ACSF3: variants seen among roughly 807,000 people sequenced by gnomAD.
The protein encoded by ACSF3 is acyl-CoA synthetase family member 3, also known as malonate--CoA ligase ACSF3, mitochondrial.
In ACSF3, 78 loss-of-function variants were observed where a neutral mutation model predicts 53.2. The observed-to-expected ratio is 1.47, with a 90% CI of 1.22 to 1.77. The LOEUF (loss-of-function observed/expected upper bound fraction) is 1.77, where lower values mean the gene tolerates loss of function less well. ACSF3 is among the 40% of genes most tolerant of loss of function. The probability of loss-of-function intolerance (pLI) is 0.00; values close to 1 mark genes in which losing one functional copy is unlikely to be tolerated. For missense variants in ACSF3, 937 were observed against 771.1 expected (o/e 1.22, Z -2.55); for synonymous variants, 414 against 333.1 (o/e 1.24, Z -2.65).
In ACSF3 at chr16:89,154,274, G is replaced by A. The variant is rs1280742677; in HGVS notation, c.*67G>A. ...CGTCCCCTTCACACCGAGAACCACG[G>A]GGGCCCGTCCAAGACCTGGCCTCCC... On this transcript the variant is annotated 3_prime_UTR_variant, in exon 11 of 11. Transcript: ENST00000614302. 6.7e-7 allele frequency: 1 copy of A among 1,490,630 alleles called. No individual in the cohort carries two copies. Among genetic ancestry groups the A allele is most frequent in the Admixed American group, 1.7e-5 (1 of 58,846 alleles). 92.3% of individuals were successfully genotyped at this position (1,490,630 alleles called of 1,614,324 possible).
intron 2 of ACSF3, among the ~76,000 whole-genome samples, chr16:89,100,260 G>T (rs1394089561): frequency 1.3e-5 from 2 of 152,270 alleles, no homozygotes; most frequent in Non-Finnish European, 2.9e-5. Context: ...CCTGTTGTGA[G>T]CGGGGGCTGT....
chr16:89,139,058 G>C (rs557028054), intron 8 of ACSF3, among the ~76,000 whole-genome samples: 2 of 152,180 alleles, frequency 1.3e-5, no homozygotes, highest in African/African-American at 4.8e-5. Context: ...CTTGAGTCCC[G>C]CAGAGGAGGC....
chr16:89,146,347 A>G (rs916440336), intron 10 of ACSF3, among the ~76,000 whole-genome samples: 32 of 152,024 alleles, frequency 2.1e-4, no homozygotes, highest in African/African-American at 7.7e-4. Flanking sequence ...CCCAGGAGAG[A>G]TCCCGGATGA....
chr16:89,122,412 G>A, intron 7 of ACSF3: 1 of 452,346 alleles, frequency 2.2e-6, no homozygotes, highest in Non-Finnish European at 4.5e-6. Flanking sequence ...TGCCTCTCCT[G>A]GGATTCCTGC....
chr16:89,125,834 C>T (rs1375216602), intron 7 of ACSF3, among the ~76,000 whole-genome samples: 1 of 152,224 alleles, frequency 6.6e-6, no homozygotes, highest in Admixed American at 6.5e-5. Context: ...TTACTTAGAT[C>T]CGTGAACACG....
At chr16:89,112,632 C>A (rs72817455) in intron 5 of ACSF3, among the ~76,000 whole-genome samples, 5,922 of 152,206 alleles carry the variant, frequency 0.039, 157 homozygotes, top group East Asian at 0.14. Flanking sequence ...CGCTCTTCAT[C>A]TGTCTCTCCG....
chr16:89,114,359 C>T lies in ACSF3; in HGVS notation c.998C>T (p.Ala333Val), dbSNP rs1240748621. ...CGTAGGCTGATGGTCTCAGGCTCAGCTGCCCTGCCCCTCCCAGTGCTGGAG... is the reference window on the plus strand; with the variant it reads ...CGTAGGCTGATGGTCTCAGGCTCAGTTGCCCTGCCCCTCCCAGTGCTGGAG... ...EKIRLMVSGS[A>V]ALPLPVLEKW... Residue 333 changes from alanine (A) to valine (V), a missense_variant, in exon 6 of 11, where the codon GCT (alanine) becomes GTT (valine). Physicochemically the swap from Ala to Val is moderately conservative, Grantham distance 64. Coordinates refer to ENST00000614302, the MANE Select transcript of ACSF3 (RefSeq NM_001243279.3). 3 of 1,613,948 alleles carry T rather than the reference C, an allele frequency of 1.9e-6. No homozygotes were observed. The highest frequency in any genetic ancestry group is 2.5e-6 in the Non-Finnish European group (3 of 1,180,042).
rs72817501 is a variant in ACSF3, at chr16:89,145,611, A to G, written c.1501+210A>G. On this transcript the variant is annotated intron_variant, in intron 9 of 10. Transcript: ENST00000614302. ...TGTTGGAGCCACTGACCCCGTGCCC[A>G]CCAGAGCTCCCAGGCCTGGCCGGGC... is the stretch of plus-strand genomic sequence containing the variant. 0.045 allele frequency among the ~76,000 whole-genome samples: 6,867 copies of G among 152,262 alleles called. 266 individuals are homozygous for G. Among genetic ancestry groups the G allele is most frequent in the East Asian group, 0.16 (823 of 5,178 alleles).
chr16:89,118,232 T>C (rs1462968705), intron 6 of ACSF3, among the ~76,000 whole-genome samples: 1 of 151,500 alleles, frequency 6.6e-6, no homozygotes, highest in Non-Finnish European at 1.5e-5. Flanking sequence ...GCAGTTTCCC[T>C]GGGGCGCCGG....
At chr16:89,136,923 A>G in intron 8 of ACSF3, 1 of 1,198,900 alleles carries the variant, frequency 8.3e-7, no homozygotes, top group Non-Finnish European at 1.1e-6. Context: ...TTCAGACGTC[A>G]AAGGTCTGTC....
chr16:89,128,887 G>T lies in ACSF3; in HGVS notation c.1240-4249G>T, dbSNP rs1908704004. Among the ~76,000 whole-genome samples, 3 of 152,150 alleles carry T rather than the reference G, an allele frequency of 2.0e-5. No homozygotes were observed. The South Asian group carries it at 6.2e-4, about 32-fold the overall frequency. On this transcript the variant is annotated intron_variant, in intron 7 of 10. Transcript: ENST00000614302. ...CTCACACCTGTAATCCCAACACTTT[G>T]GGAGGCCAAGGCAGGAGAATCACTG...
In ACSF3 at chr16:89,102,608, C is replaced by G. The variant is rs775624630; in HGVS notation, c.671C>G (p.Thr224Ser). 1 of 1,613,740 alleles carries G rather than the reference C, an allele frequency of 6.2e-7. No individual in the cohort carries two copies. Among genetic ancestry groups the G allele is most frequent in the South Asian group, 1.1e-5 (1 of 91,086 alleles). ...STHQNIRAVV[T>S]GLVHKWAWTK... ...CTGTGCTCTCGTCCCCTGCAGGTGA[C>G]CGGGCTGGTCCACAAGTGGGCATGG... Residue 224 changes from threonine (T) to serine (S), a missense_variant, in exon 4 of 11, where the codon ACC becomes AGC. Transcript: ENST00000614302.
intron 4 of ACSF3, among the ~76,000 whole-genome samples, chr16:89,105,136 A>G (rs7190776): frequency 0.71 from 106,921 of 151,236 alleles, 38,383 homozygotes; most frequent in Admixed American, 0.78. Flanking sequence ...CCGTCTCCCT[A>G]ACACATTCCA....
Position 89,120,426 on chromosome 16 carries a change from G to A in ACSF3, c.1127-375G>A, listed in dbSNP as rs529363138. The stretch of plus-strand genomic sequence containing the variant: ...CGCCAGCCCTCCCTGGCCAGCAAGT[G>A]TGTAAAAGTGGGAATGACACCAGAA... On this transcript the variant is annotated intron_variant, in intron 6 of 10. Coordinates refer to ENST00000614302, the MANE Select transcript of ACSF3 (RefSeq NM_001243279.3). 1.1e-3 allele frequency among the ~76,000 whole-genome samples: 170 copies of A among 152,374 alleles called. 2 individuals carry two copies. Among genetic ancestry groups the A allele is most frequent in the African/African-American group, 3.8e-3 (156 of 41,590 alleles).
chr16:89,101,405 T>G, intron 3 of ACSF3, 58 bp downstream of exon 3: 1 of 1,548,492 alleles, frequency 6.5e-7, no homozygotes, highest in Non-Finnish European at 8.7e-7. Context: ...CCGGGTGGGC[T>G]CCGGGCCAGA....
chr16:89,136,945 C>T (rs992246334), intron 8 of ACSF3: 2 of 1,111,730 alleles, frequency 1.8e-6, no homozygotes, highest in Middle Eastern at 4.0e-4. Context: ...CAGGTAACTC[C>T]TCTGACGGCC....
intron 7 of ACSF3, among the ~76,000 whole-genome samples, chr16:89,127,513 C>T (rs991801985): frequency 2.0e-5 from 3 of 152,064 alleles, no homozygotes; most frequent in African/African-American, 7.2e-5. Context: ...AGGCATGTGC[C>T]AACATGCCCA....
At chr16:89,123,926 G>A (rs763177477) in intron 7 of ACSF3, among the ~76,000 whole-genome samples, 4 of 152,006 alleles carry the variant, frequency 2.6e-5, no homozygotes, top group African/African-American at 4.8e-5. Flanking sequence ...TGCAGTGCGC[G>A]CACGGGTATC....
intron 8 of ACSF3, among the ~76,000 whole-genome samples, chr16:89,135,068 C>T: frequency 7.0e-6 from 1 of 142,954 alleles, no homozygotes; most frequent in Admixed American, 6.9e-5. Context: ...TTTTCTTTTC[C>T]TGGTTTTTTT....
Sources: allele counts gnomAD v4.1 joint callset (sites outside exome capture counted in the v4.1 genomes callset), GRCh38; gene constraint gnomAD v4.1.1; transcripts MANE v1.5; gene names NCBI Gene and HGNC (gene_info 2026-07-23, HGNC 2026-07-21).